Variants in ARHGEF18 observed in about 807,000 individuals in gnomAD.
ARHGEF18 encodes the protein Rho/Rac guanine nucleotide exchange factor 18.
Under a neutral mutation model 155.7 loss-of-function variants are expected in ARHGEF18, and 93 were observed. The observed-to-expected ratio is 0.60, with a 90% CI of 0.50 to 0.71. The LOEUF (loss-of-function observed/expected upper bound fraction) is 0.71, where lower values mean the gene tolerates loss of function less well. Among genes scored for constraint, ARHGEF18 ranks in the 30% least tolerant of loss-of-function variants. The pLI, the probability that ARHGEF18 is intolerant of heterozygous loss-of-function variation, is 0.00. For missense variants in ARHGEF18, 1,593 were observed against 1,816.1 expected, an observed-to-expected ratio of 0.88 and a Z score of 2.23; for synonymous variants, 742 against 753.1, an observed-to-expected ratio of 0.99 and a Z score of 0.24.
chr19:7,421,150 CA>C (rs5826970), intron 10 of ARHGEF18, among the ~76,000 whole-genome samples: 118,651 of 151,908 alleles, frequency 0.78, 47,200 homozygotes, highest in African/African-American at 0.93. Flanking sequence ...AGGCTGGTCT[CA>C]AAACTCCTGG....
At chr19:7,356,462 C>T (rs1312429682) in intron 1 of ARHGEF18, among the ~76,000 whole-genome samples, 2 of 151,780 alleles carry the variant, frequency 1.3e-5, no homozygotes, top group African/African-American at 2.4e-5. Context: ...TTCGTAGAGA[C>T]GGGGTTTCAC....
Position 7,469,142 on chromosome 19 carries a change from C to G in ARHGEF18, c.3787+11C>G. 1 of 1,575,436 alleles carries G rather than the reference C, an allele frequency of 6.3e-7. No homozygotes were observed. The highest frequency in any genetic ancestry group is 8.6e-7 in the Non-Finnish European group (1 of 1,160,598). On this transcript the variant is annotated intron_variant, in intron 27 of 28. Transcript: ENST00000668164. ...GCTGGGAGAGCTCAGGTGAGCCGGC[C>G]CCACCCCTTCGCCTGGGCCTGGAAG...
intron 1 of ARHGEF18, among the ~76,000 whole-genome samples, chr19:7,355,237 C>T (rs1329379337): frequency 6.6e-6 from 1 of 151,968 alleles, no homozygotes; most frequent in Non-Finnish European, 1.5e-5. Context: ...GTGCTCTCTA[C>T]ACAACATGGA....
At chr19:7,454,723 C>T (rs996942954) in intron 17 of ARHGEF18, among the ~76,000 whole-genome samples, 1 of 152,142 alleles carries the variant, frequency 6.6e-6, no homozygotes, top group Non-Finnish European at 1.5e-5. Flanking sequence ...GGGTGCAGTA[C>T]ACACCAGGAG....
chr19:7,442,037 CAA>C lies in ARHGEF18; in HGVS notation c.1346_1347del (p.Gln449ArgfsTer5). 1.2e-6 allele frequency: 2 copies of C among 1,614,098 alleles called. No individual in the cohort carries two copies. The highest frequency in any genetic ancestry group is 1.7e-6 in the Non-Finnish European group (2 of 1,180,020). The part of the protein sequence containing the change: ...KKQKREVVKR[Q>X]DVLYELMQTE... ...GCAAAAGAGGGAGGTGGTGAAAAGA[CAA>C]GATGTCCTTTATGGTGAGGAGTCCA... is the stretch of plus-strand genomic sequence containing the variant. On this transcript the variant is annotated frameshift_variant, in exon 13 of 29. Coordinates refer to ENST00000668164, the MANE Select transcript of ARHGEF18 (RefSeq NM_001367823.1). LOFTEE classifies it high-confidence loss of function.
intron 10 of ARHGEF18, among the ~76,000 whole-genome samples, chr19:7,388,949 G>C (rs1432538818): frequency 1.3e-5 from 2 of 151,814 alleles, no homozygotes; most frequent in African/African-American, 2.4e-5. Context: ...AAAGCAGAGA[G>C]AGTCCCTTTA....
chr19:7,375,982 G>A (rs1346961676), intron 4 of ARHGEF18, 112 bp downstream of exon 4: 30 of 1,147,920 alleles, frequency 2.6e-5, no homozygotes, highest in African/African-American at 4.8e-5. Context: ...ACCCACCATG[G>A]CAGGGTGGAG....
At chr19:7,477,295 C>T (rs532396723), downstream of ARHGEF18, 62 of 1,571,458 alleles carry the variant, frequency 3.9e-5, no homozygotes, top group African/African-American at 6.8e-5. Context: ...CCACTAGCCA[C>T]GGCGGGAAGC....
rs1182628683 is a variant in ARHGEF18, at chr19:7,362,782, C to T, written c.-109C>T. 1.6e-6 allele frequency: 2 copies of T among 1,233,874 alleles called. No individual in the cohort carries two copies. The highest frequency in any genetic ancestry group is 2.0e-6 in the Non-Finnish European group (2 of 988,044). 76.4% of individuals were successfully genotyped at this position (1,233,874 alleles called of 1,614,324 possible). A position where few individuals can be genotyped will look rare whatever the true frequency, so the allele number is the denominator to read the frequency against. On this transcript the variant is annotated splice_region_variant and 5_prime_UTR_variant, in exon 2 of 29. Transcript: ENST00000668164. ...ACCTTGTCCCTCCTTTCTCCACAGG[C>T]TCTGAGCCCAAGTCATGTGTCCAGC...
intron 7 of ARHGEF18, among the ~76,000 whole-genome samples, chr19:7,380,223 A>G (rs1174279768): frequency 1.3e-5 from 2 of 151,892 alleles, no homozygotes; most frequent in Non-Finnish European, 2.9e-5. Context: ...TCACACCTGT[A>G]ATCCCAGCAC....
At position 7,421,694 on chromosome 19, in the gene ARHGEF18, A is replaced by G. The variant is rs186510025; in HGVS notation, c.968-18650A>G. On this transcript the variant is annotated intron_variant, in intron 10 of 28. Transcript: ENST00000668164. ...GGAGGATCACTTGAACCCAGGAGGCAGAGGCTGCAGTGAGCTGAGATGGTG... is the reference window on the plus strand; with the variant it reads ...GGAGGATCACTTGAACCCAGGAGGCGGAGGCTGCAGTGAGCTGAGATGGTG... Among the ~76,000 whole-genome samples, 9 of 152,262 alleles carry G rather than the reference A, an allele frequency of 5.9e-5. No homozygotes were observed. In the East Asian group the frequency reaches 1.7e-3, roughly 29 times the overall value.
rs751173821 is a variant in ARHGEF18, at chr19:7,444,476, T to G, written c.1611+22T>G. 1.2e-6 allele frequency: 2 copies of G among 1,608,484 alleles called. No homozygotes were observed. Among genetic ancestry groups the G allele is most frequent in the Non-Finnish European group, 1.7e-6 (2 of 1,176,658 alleles). On this transcript the variant is annotated intron_variant, in intron 14 of 28. Transcript: ENST00000668164. This position sits in a 1 kb window ranked among gnomAD's most constrained non-coding sequence, Gnocchi z 4.7. Reference sequence around the variant, plus strand: ...GCAGGTGGGTGCAGCCGTGTTCATCTCAACAGTCTTCAAAGCCTCTGCCTT... The same window carrying G: ...GCAGGTGGGTGCAGCCGTGTTCATCGCAACAGTCTTCAAAGCCTCTGCCTT...
chr19:7,464,731 A>T (rs1976512327), intron 23 of ARHGEF18, 41 bp downstream of exon 23: 3 of 1,608,810 alleles, frequency 1.9e-6, no homozygotes, highest in Non-Finnish European at 1.7e-6. Context: ...CTGAGTCGTC[A>T]TAAGGATTCA....
At chr19:7,448,074 G>A (rs1975110880) in intron 15 of ARHGEF18, among the ~76,000 whole-genome samples, 1 of 152,170 alleles carries the variant, frequency 6.6e-6, no homozygotes, top group Admixed American at 6.5e-5. Context: ...AGAGACCCCT[G>A]CAGCTCAGTA....
intron 10 of ARHGEF18, among the ~76,000 whole-genome samples, chr19:7,437,964 C>A (rs1201155790): frequency 1.3e-5 from 2 of 151,034 alleles, no homozygotes; most frequent in African/African-American, 4.9e-5. Flanking sequence ...ATTTCTATTT[C>A]TCTTCTCTAA....
intron 10 of ARHGEF18, among the ~76,000 whole-genome samples, chr19:7,421,587 A>G (rs879564154): frequency 1.3e-5 from 2 of 151,664 alleles, no homozygotes; most frequent in African/African-American, 4.8e-5. Context: ...CATGGTGAAA[A>G]CCCGTCTCTA....
rs1302702480 is a variant in ARHGEF18, at chr19:7,395,003, G to T, written c.967+11800G>T. ...CCGACGCCCCCTCACCACGGCTCGG[G>T]GAGCAGCAGCCCCAGGTCCCCGGGA... is the stretch of plus-strand genomic sequence containing the variant. On this transcript the variant is annotated intron_variant, in intron 10 of 28. Coordinates refer to ENST00000668164, the MANE Select transcript of ARHGEF18 (RefSeq NM_001367823.1). This position sits in a 1 kb window ranked among gnomAD's most constrained non-coding sequence, Gnocchi z 5.0. The T allele has an allele frequency of 1.0e-6, 1 of 972,402 alleles. No individual in the cohort carries two copies. The highest frequency in any genetic ancestry group is 1.8e-5 in the African/African-American group (1 of 57,028). 60.2% of individuals were successfully genotyped at this position (972,402 alleles called of 1,614,324 possible).
chr19:7,440,516 G>A lies in ARHGEF18; in HGVS notation c.1106+34G>A, dbSNP rs1264630746. 6.4e-7 allele frequency: 1 copy of A among 1,567,988 alleles called. No homozygotes were observed. The highest frequency in any genetic ancestry group is 8.6e-7 in the Non-Finnish European group (1 of 1,162,050). On this transcript the variant is annotated intron_variant, in intron 11 of 28. Coordinates refer to ENST00000668164, the MANE Select transcript of ARHGEF18 (RefSeq NM_001367823.1). The surrounding 1 kb of genome is among the most constrained non-coding windows in gnomAD (Gnocchi z 5.4). ...GGGTCCCCTCTGTGCCCTCGGGTGG[G>A]TGGTGGCATTCCCCGGGGAGCTGTT...
At chr19:7,437,188 G>T (rs1204276594) in intron 10 of ARHGEF18, among the ~76,000 whole-genome samples, 1 of 152,116 alleles carries the variant, frequency 6.6e-6, no homozygotes, top group Non-Finnish European at 1.5e-5. Context: ...CAGCACTTAG[G>T]GAGGCCGAGG....
Sources: allele counts gnomAD v4.1 joint callset (sites outside exome capture counted in the v4.1 genomes callset), GRCh38; gene constraint gnomAD v4.1.1; non-coding constraint Gnocchi (gnomAD v3.1); transcripts MANE v1.5; gene names NCBI Gene and HGNC (gene_info 2026-07-23, HGNC 2026-07-21).